FAM234B: variants seen among roughly 807,000 people sequenced by gnomAD.
The protein encoded by FAM234B is protein FAM234B.
In FAM234B, 33 loss-of-function variants were observed where a neutral mutation model predicts 69.3. The observed-to-expected ratio is 0.48, with a 90% CI of 0.36 to 0.64. FAM234B has a LOEUF of 0.64. Ranked by LOEUF, FAM234B falls within the 30% of genes least tolerant of loss-of-function variation. The pLI is 0.00. For synonymous variants in FAM234B, 306 were observed against 306.9 expected (o/e 1.00, Z 0.03); for missense variants, 697 against 769.7 (o/e 0.91, Z 1.12).
chr12:13,061,773 A>T lies in FAM234B; in HGVS notation c.721+10A>T. The T allele has an allele frequency of 6.2e-7, 1 of 1,609,546 alleles. No individual in the cohort carries two copies. On this transcript the variant is annotated intron_variant, in intron 4 of 12. Transcript: ENST00000197268. ...TTCAATGCAACGTCAGGTAAATACC[A>T]TTTACCACAAAAGAACTTTGCTCCT...
intron 1 of FAM234B, among the ~76,000 whole-genome samples, chr12:13,050,742 A>G (rs1481434452): frequency 6.6e-6 from 1 of 152,144 alleles, no homozygotes; most frequent in Non-Finnish European, 1.5e-5. Flanking sequence ...TAATAATAAT[A>G]TCTACCATAT....
At chr12:13,051,260 T>A (rs1864873061) in intron 1 of FAM234B, among the ~76,000 whole-genome samples, 1 of 152,260 alleles carries the variant, frequency 6.6e-6, no homozygotes, top group Non-Finnish European at 1.5e-5. Flanking sequence ...CCTCCCTGCC[T>A]GTGATAGTAC....
chr12:13,061,517 T>C (rs1003307437), intron 3 of FAM234B, 58 bp from the exon 4 acceptor site: 20 of 1,471,552 alleles, frequency 1.4e-5, no homozygotes, highest in Non-Finnish European at 1.8e-5. Flanking sequence ...CTTGTTCATC[T>C]CTGCCTCTTA....
intron 9 of FAM234B, among the ~76,000 whole-genome samples, chr12:13,069,296 TTTAACA>T (rs1865076153): frequency 6.6e-6 from 1 of 151,990 alleles, no homozygotes; most frequent in African/African-American, 2.4e-5. Context: ...CTTTCATTTC[TTTAACA>T]TTACAGCAGA....
intron 1 of FAM234B, among the ~76,000 whole-genome samples, chr12:13,052,422 GAT>G (rs5796519): frequency 0.24 from 35,821 of 150,032 alleles, 5,136 homozygotes; most frequent in East Asian, 0.52. Context: ...CTGTTTTTCA[GAT>G]ATATATATAT....
chr12:13,071,875 A>G (rs917410865), intron 10 of FAM234B, among the ~76,000 whole-genome samples: 1 of 152,158 alleles, frequency 6.6e-6, no homozygotes, highest in African/African-American at 2.4e-5. Flanking sequence ...CTGAGAGGTC[A>G]TTTGAGGAAC....
In FAM234B at chr12:13,079,799, C is replaced by T. The variant is rs371966622; in HGVS notation, c.1653C>T (p.Asn551=). Residue 551 remains asparagine (N), a synonymous_variant, in exon 12 of 13, where the codon AAC becomes AAT. Coordinates refer to ENST00000197268, the MANE Select transcript of FAM234B (RefSeq NM_020853.2). Reference sequence around the variant, plus strand: ...TTTGTCCTTCCTCAGTTGGAATTAACGACCTCTGGAAAGATGCCTTTTATG... The same window carrying T: ...TTTGTCCTTCCTCAGTTGGAATTAATGACCTCTGGAAAGATGCCTTTTATG... ...GTVTASEVGI[N]DLWKDAFYVT... 90 of 1,611,520 alleles carry T rather than the reference C, an allele frequency of 5.6e-5. No homozygotes were observed. The highest frequency in any genetic ancestry group is 6.7e-5 in the Non-Finnish European group (79 of 1,178,022).
chr12:13,052,495 A>C (rs992379954), intron 1 of FAM234B, among the ~76,000 whole-genome samples: 20 of 152,130 alleles, frequency 1.3e-4, no homozygotes, highest in African/African-American at 4.8e-4. Context: ...CATCTTAACT[A>C]TGTTAAGTAT....
chr12:13,047,322 G>A (rs537852203), intron 1 of FAM234B, among the ~76,000 whole-genome samples: 9 of 152,228 alleles, frequency 5.9e-5, no homozygotes, highest in African/African-American at 1.4e-4. Flanking sequence ...AAACACTGGA[G>A]GGAATATCAG....
rs1865251774 is a variant in FAM234B, at chr12:13,082,733, G to A, written c.*2103G>A. The A allele has an allele frequency of 6.6e-6, 1 of 152,178 alleles. No individual in the cohort carries two copies. Among genetic ancestry groups the A allele is most frequent in the Non-Finnish European group, 1.5e-5 (1 of 68,024 alleles). The allele number at this position is 152,178 out of a possible 1,614,324, so 9.4% of individuals were successfully genotyped here. Reference sequence around the variant, plus strand: ...ATAACCTGGTTCTCTGTTATGTTAAGGCTTTCTGGGAAGCCAGCCACTCTG... The same window carrying A: ...ATAACCTGGTTCTCTGTTATGTTAAAGCTTTCTGGGAAGCCAGCCACTCTG... On this transcript the variant is annotated 3_prime_UTR_variant, in exon 13 of 13. Coordinates refer to ENST00000197268, the MANE Select transcript of FAM234B (RefSeq NM_020853.2).
intron 1 of FAM234B, among the ~76,000 whole-genome samples, chr12:13,054,410 C>T (rs998624317): frequency 6.6e-6 from 1 of 152,142 alleles, no homozygotes; most frequent in Non-Finnish European, 1.5e-5. Context: ...CTTGCCTTCC[C>T]GCAACAATCT....
intron 1 of FAM234B, among the ~76,000 whole-genome samples, chr12:13,048,464 T>C (rs1418705242): frequency 6.6e-6 from 1 of 151,966 alleles, no homozygotes; most frequent in Non-Finnish European, 1.5e-5. Context: ...TTGTAGGAAG[T>C]TTTTTTTGGC....
At position 13,079,791 on chromosome 12, in the gene FAM234B, G is replaced by T; in HGVS notation, c.1645G>T (p.Gly549Ter). 6.2e-7 allele frequency: 1 copy of T among 1,608,052 alleles called. No homozygotes were observed. Among genetic ancestry groups the T allele is most frequent in the Non-Finnish European group, 8.5e-7 (1 of 1,175,012 alleles). ...CTCTTGTTTTTGTCCTTCCTCAGTT[G>T]GAATTAACGACCTCTGGAAAGATGC... ...TTGTVTASEV[G>*]INDLWKDAFY... The change falls in exon 12 of 13, where the codon GGA becomes TGA. Residue 549 changes from glycine (G) to a stop codon, truncating the protein, a stop_gained and splice_region_variant. Transcript: ENST00000197268. LOFTEE classifies it high-confidence loss of function.
chr12:13,078,609 G>A (rs1006929414), intron 11 of FAM234B, among the ~76,000 whole-genome samples: 7 of 152,196 alleles, frequency 4.6e-5, no homozygotes, highest in Non-Finnish European at 5.9e-5. Flanking sequence ...GTCCATGTTT[G>A]CAGATGACAT....
chr12:13,067,192 T>A lies in FAM234B; in HGVS notation c.1038T>A (p.Val346=). 6.2e-7 allele frequency: 1 copy of A among 1,614,034 alleles called. No individual in the cohort carries two copies. ...IQAVALRDIF[V]QAQNRDSSPP... ...CTGTCGCACTGCGGGACATTTTTGT[T>A]CAGGCCCAAAATCGAGACAGCTCAC... Residue 346 remains valine (V), a synonymous_variant, in exon 7 of 13, where the codon GTT becomes GTA. Transcript: ENST00000197268. The surrounding 1 kb of genome is among the most constrained non-coding windows in gnomAD (Gnocchi z 4.7).
intron 9 of FAM234B, among the ~76,000 whole-genome samples, chr12:13,070,096 AG>A (rs1432104114): frequency 6.6e-6 from 1 of 151,150 alleles, no homozygotes; most frequent in African/African-American, 2.4e-5. Flanking sequence ...TTTATAAAAC[AG>A]GGGTAATAAT....
intron 11 of FAM234B, among the ~76,000 whole-genome samples, chr12:13,078,309 A>G (rs1428836829): frequency 2.0e-5 from 3 of 152,010 alleles, no homozygotes; most frequent in South Asian, 4.1e-4. Context: ...TTTTGTTGCC[A>G]TTGCTTTTGG....
intron 1 of FAM234B, among the ~76,000 whole-genome samples, chr12:13,045,660 A>G (rs1329081876): frequency 1.3e-5 from 2 of 152,200 alleles, no homozygotes; most frequent in African/African-American, 4.8e-5. Flanking sequence ...GAACATTGGA[A>G]GGAACACTGA....
At chr12:13,080,590 A>G (rs753017268) in intron 12 of FAM234B, 35 bp from the exon 13 acceptor site, 1 of 1,580,504 alleles carries the variant, frequency 6.3e-7, no homozygotes, top group East Asian at 2.2e-5. Context: ...TCTACCATGA[A>G]AAACAATAAA....
Sources: allele counts gnomAD v4.1 joint callset (sites outside exome capture counted in the v4.1 genomes callset), GRCh38; gene constraint gnomAD v4.1.1; non-coding constraint Gnocchi (gnomAD v3.1); transcripts MANE v1.5; gene names NCBI Gene and HGNC (gene_info 2026-07-23, HGNC 2026-07-21).